CACNA1E: variants seen among roughly 807,000 people sequenced by gnomAD.
CACNA1E encodes voltage-dependent R-type calcium channel subunit alpha-1E.
A neutral mutation model predicts 259.2 loss-of-function variants in CACNA1E; 40 were observed. The ratio of observed to expected loss-of-function variants is 0.15; its 90% CI spans 0.12 to 0.20. CACNA1E has a LOEUF of 0.20. Among genes scored for constraint, CACNA1E ranks in the 10% least tolerant of loss-of-function variants. CACNA1E has a pLI of 1.00. For missense variants in CACNA1E, 1,874 were observed against 3,040.1 expected, an observed-to-expected ratio of 0.62 and a Z score of 9.02; for synonymous variants, 1,104 against 1,138.5, an observed-to-expected ratio of 0.97 and a Z score of 0.61.
At chr1:181,426,719 A>T (rs1345503668) in intron 2 of CACNA1E, among the ~76,000 whole-genome samples, 2 of 134,364 alleles carry the variant, frequency 1.5e-5, no homozygotes, top group African/African-American at 5.7e-5. Context: ...ACCCCTTCCC[A>T]TCTCAACCCC....
intron 6 of CACNA1E, among the ~76,000 whole-genome samples, chr1:181,642,825 G>C (rs934943476): frequency 5.9e-5 from 9 of 152,170 alleles, no homozygotes; most frequent in African/African-American, 2.2e-4. Flanking sequence ...CTCCATCCTG[G>C]CCCCCCAGAG....
At chr1:181,724,741 G>T (rs187752644) in intron 17 of CACNA1E, among the ~76,000 whole-genome samples, 1 of 152,298 alleles carries the variant, frequency 6.6e-6, no homozygotes, top group Non-Finnish European at 1.5e-5. Context: ...CCTCAACCTA[G>T]CCCAGGGGGC....
intron 1 of CACNA1E, among the ~76,000 whole-genome samples, chr1:181,345,084 C>T (rs554889229): frequency 2.1e-4 from 32 of 152,344 alleles, no homozygotes; most frequent in Non-Finnish European, 4.0e-4. Context: ...TTACCCACCT[C>T]AACAGAGGTG....
At chr1:181,783,970 T>C (rs1480237841) in intron 40 of CACNA1E, among the ~76,000 whole-genome samples, 186 bp downstream of exon 40, 1 of 152,230 alleles carries the variant, frequency 6.6e-6, no homozygotes, top group Non-Finnish European at 1.5e-5. Context: ...AGTGAATGGT[T>C]TGATAATCTC....
At chr1:181,419,649 AGTGCCTAGT>A (rs979533980) in intron 2 of CACNA1E, among the ~76,000 whole-genome samples, 1 of 152,226 alleles carries the variant, frequency 6.6e-6, no homozygotes, top group Non-Finnish European at 1.5e-5. Flanking sequence ...GGTCCAAAAC[AGTGCCTAGT>A]GTGCAGTTGA....
Position 181,765,980 on chromosome 1 carries a change from G to A in CACNA1E, c.4816-566G>A, listed in dbSNP as rs186364152. On this transcript the variant is annotated intron_variant, in intron 34 of 47. Transcript: ENST00000367573. Reference sequence around the variant, plus strand: ...TGGCTAACTTACCAGGCTTTTGCATGAAACATAATAAAACGCCAGGAGGCT... The same window carrying A: ...TGGCTAACTTACCAGGCTTTTGCATAAAACATAATAAAACGCCAGGAGGCT... Among the ~76,000 whole-genome samples, 70 of 152,284 alleles carry A rather than the reference G, an allele frequency of 4.6e-4. 1 individual carries two copies. The highest frequency in any genetic ancestry group is 7.8e-4 in the Admixed American group (12 of 15,308).
Position 181,799,515 on chromosome 1 carries a change from A to G in CACNA1E, c.*681A>G, listed in dbSNP as rs2102917242. The G allele has an allele frequency of 6.5e-6, 1 of 152,988 alleles. No homozygotes were observed. Among genetic ancestry groups the G allele is most frequent in the South Asian group, 2.1e-4 (1 of 4,828 alleles). 9.5% of individuals were successfully genotyped at this position (152,988 alleles called of 1,614,324 possible). A position where few individuals can be genotyped will look rare whatever the true frequency, so the allele number is the denominator to read the frequency against. ...GCCCCTACCATGAGGGAGACAGAGA[A>G]ACAGAACTGGTGGTGCTGGGGGGTA... On this transcript the variant is annotated 3_prime_UTR_variant, in exon 48 of 48. Coordinates refer to ENST00000367573, the MANE Select transcript of CACNA1E (RefSeq NM_001205293.3).
rs1655757342 is a variant in CACNA1E at position 181,733,745 on chromosome 1, T to C, written c.3257T>C (p.Val1086Ala). Residue 1086 changes from valine to alanine, a missense_variant, in exon 21 of 48, where the codon GTG becomes GCG. Physicochemically the swap from Val to Ala is moderately conservative, Grantham distance 64 (BLOSUM62 0). This residue lies in a region of CACNA1E where 476 missense variants were observed against 514.0 expected (regional missense o/e 0.93). Transcript: ENST00000367573. ...GACCCCTTGGTGGACTCAACCGTGG[T>C]GCACAGTGAGAGCACAGTCCCTGTT... Reference protein sequence around the residue: ...DVDPLVDSTVVHISNKTDGEA... With the variant: ...DVDPLVDSTVAHISNKTDGEA... 1 of 1,543,194 alleles carries C rather than the reference T, an allele frequency of 6.5e-7. No individual in the cohort carries two copies. The highest frequency in any genetic ancestry group is 8.7e-7 in the Non-Finnish European group (1 of 1,143,414).
chr1:181,702,985 A>T (rs1652426046), intron 7 of CACNA1E, among the ~76,000 whole-genome samples: 1 of 152,126 alleles, frequency 6.6e-6, no homozygotes, highest in Admixed American at 6.5e-5. Flanking sequence ...TTTTTTGAGA[A>T]GGGGGTCTTA....
intron 3 of CACNA1E, among the ~76,000 whole-genome samples, chr1:181,514,241 C>T (rs1211520564): frequency 6.6e-6 from 1 of 152,194 alleles, no homozygotes; most frequent in Non-Finnish European, 1.5e-5. Context: ...ACAATAATGG[C>T]ATGATATAGT....
At chr1:181,343,034 T>G (rs1241227172) in intron 1 of CACNA1E, among the ~76,000 whole-genome samples, 2 of 151,758 alleles carry the variant, frequency 1.3e-5, no homozygotes, top group Non-Finnish European at 2.9e-5. Context: ...TGGGAGGTAT[T>G]TTGGTGGTGA....
rs368922708 is a variant in CACNA1E at position 181,733,502 on chromosome 1, C to G, written c.3014C>G (p.Pro1005Arg). 7.5e-6 allele frequency: 12 copies of G among 1,600,876 alleles called. No homozygotes were observed. The highest frequency in any genetic ancestry group is 2.7e-5 in the African/African-American group (2 of 74,680). The change falls in exon 21 of 48, where the codon CCC (proline) becomes CGC (arginine). Residue 1005 changes from proline (P) to arginine (R), a missense_variant. Coordinates refer to ENST00000367573, the MANE Select transcript of CACNA1E (RefSeq NM_001205293.3). ...GGAGGCCTTGATGAGGCTGACACCCCCCTAGTCCTGCCCCATCCTGAGCTG... is the reference window on the plus strand; with the variant it reads ...GGAGGCCTTGATGAGGCTGACACCCGCCTAGTCCTGCCCCATCCTGAGCTG... The part of the protein sequence containing the change: ...LAGGLDEADT[P>R]LVLPHPELEV...
At chr1:181,748,165 G>T (rs753830840) in intron 25 of CACNA1E, among the ~76,000 whole-genome samples, 2 of 152,000 alleles carry the variant, frequency 1.3e-5, no homozygotes, top group Admixed American at 6.5e-5. Context: ...GTGTCTGATT[G>T]CTATCCTTGG....
At chr1:181,321,739 GGAGGCAGGACGGA>G (rs1397329601) in intron 1 of CACNA1E, among the ~76,000 whole-genome samples, 1 of 152,202 alleles carries the variant, frequency 6.6e-6, no homozygotes, top group African/African-American at 2.4e-5. Flanking sequence ...TGGGGGGAAA[GGAGGCAGGACGGA>G]GATTGGGTCA....
At chr1:181,410,834 A>G (rs758519771) in intron 1 of CACNA1E, among the ~76,000 whole-genome samples, 2 of 152,138 alleles carry the variant, frequency 1.3e-5, no homozygotes, top group Non-Finnish European at 2.9e-5. Context: ...TATAATTCCT[A>G]ACCATTGAAA....
At chr1:181,581,625 A>G (rs551830033) in intron 6 of CACNA1E, among the ~76,000 whole-genome samples, 1 of 152,300 alleles carries the variant, frequency 6.6e-6, no homozygotes, top group South Asian at 2.1e-4. Context: ...TCCATCTTCC[A>G]GAGTCTAATT....
intron 3 of CACNA1E, among the ~76,000 whole-genome samples, chr1:181,573,366 CTT>C (rs1650613579): frequency 6.6e-6 from 1 of 152,300 alleles, no homozygotes; most frequent in South Asian, 2.1e-4. Flanking sequence ...ATTTTCAACT[CTT>C]TACTTTTCCA....
In CACNA1E at chr1:181,405,733, A is replaced by G. The variant is rs1657417428; in HGVS notation, c.-14-7400A>G. On this transcript the variant is annotated intron_variant, in intron 1 of 11. Transcript: ENST00000524607. The stretch of plus-strand genomic sequence containing the variant: ...CATTTCTGCTCTCCAGTGGTTAAGC[A>G]GGGCCAGGTGACTGAATTCTGGCTA... 3.3e-5 allele frequency among the ~76,000 whole-genome samples: 5 copies of G among 152,232 alleles called. No individual in the cohort carries two copies. The South Asian group carries it at 1.0e-3, about 31-fold the overall frequency.
intron 32 of CACNA1E, among the ~76,000 whole-genome samples, chr1:181,761,813 C>T (rs1459052629): frequency 2.0e-5 from 3 of 152,242 alleles, no homozygotes; most frequent in African/African-American, 2.4e-5. Flanking sequence ...AGTCCACCCT[C>T]TCCTGTTAAA....
Sources: allele counts gnomAD v4.1 joint callset (sites outside exome capture counted in the v4.1 genomes callset), GRCh38; gene constraint gnomAD v4.1.1; regional missense constraint gnomAD v4.1.1; transcripts MANE v1.5; gene names NCBI Gene and HGNC (gene_info 2026-07-23, HGNC 2026-07-21).